The following DNM2 variants were observed in gnomAD, a reference collection of about 807,000 sequenced individuals.
DNM2 encodes dynamin 2.
Under a neutral mutation model 99.0 loss-of-function variants are expected in DNM2, and 15 were observed. That is an observed-to-expected ratio of 0.15 (90% CI 0.10 to 0.23). The LOEUF is 0.23. DNM2 is among the 10% of genes least tolerant of loss of function. The pLI, the probability that DNM2 is intolerant of heterozygous loss-of-function variation, is 1.00. For missense variants in DNM2, 742 were observed against 1,189.4 expected, an observed-to-expected ratio of 0.62 and a Z score of 5.53; for synonymous variants, 525 against 481.2, an observed-to-expected ratio of 1.09 and a Z score of -1.19.
chr19:10,718,952 C>T (rs2068845078), intron 1 of DNM2, among the ~76,000 whole-genome samples: 1 of 152,154 alleles, frequency 6.6e-6, no homozygotes. Flanking sequence ...GGCTAGCTGT[C>T]CAGGGTGACC....
chr19:10,760,826 G>GCTTTTTTTTTTTTTTTTTTT (rs1568284526), intron 2 of DNM2, among the ~76,000 whole-genome samples: 1 of 4,958 alleles, frequency 2.0e-4, no homozygotes, highest in African/African-American at 4.3e-4. Flanking sequence ...ACACCCAGCT[G>GCTTTTTTTTTTTTTTTTTTT]ATTTTTTTTT....
At chr19:10,742,968 CAGTG>C (rs987283795) in intron 1 of DNM2, among the ~76,000 whole-genome samples, 4 of 146,498 alleles carry the variant, frequency 2.7e-5, no homozygotes, top group Admixed American at 1.4e-4. Context: ...GGTTGTGGTG[CAGTG>C]GCTCAGTCTC....
chr19:10,772,638 A>G lies in DNM2; in HGVS notation c.385+10A>G. 6.2e-7 allele frequency: 1 copy of G among 1,613,974 alleles called. No homozygotes were observed. Among genetic ancestry groups the G allele is most frequent in the African/African-American group, 1.3e-5 (1 of 75,050 alleles). Reference sequence around the variant, plus strand: ...GTCTACTCGCCACACGGTAGGCAGCACGGGTGGGGACCCATCACTGACCGT... The same window carrying G: ...GTCTACTCGCCACACGGTAGGCAGCGCGGGTGGGGACCCATCACTGACCGT... On this transcript the variant is annotated intron_variant, in intron 3 of 20. Coordinates refer to ENST00000389253, the MANE Select transcript of DNM2 (RefSeq NM_001005361.3). The surrounding 1 kb of genome is among the most constrained non-coding windows in gnomAD (Gnocchi z 4.9).
intron 6 of DNM2, among the ~76,000 whole-genome samples, chr19:10,784,306 G>A (rs568368844): frequency 5.9e-5 from 9 of 152,292 alleles, no homozygotes; most frequent in African/African-American, 2.2e-4. Flanking sequence ...TCCAGTAGGG[G>A]CGCGGGGGCC....
rs11085748 is a variant in DNM2 at position 10,816,864 on chromosome 19, T to C, written c.1672-3116T>C. Among the ~76,000 whole-genome samples the C allele has an allele frequency of 0.27, 41,294 of 152,136 alleles. 6,017 individuals carry two copies. The highest frequency in any genetic ancestry group is 0.57 in the East Asian group (2,933 of 5,158). On this transcript the variant is annotated intron_variant, in intron 15 of 20. Coordinates refer to ENST00000389253, the MANE Select transcript of DNM2 (RefSeq NM_001005361.3). This position sits in a 1 kb window ranked among gnomAD's most constrained non-coding sequence, Gnocchi z 4.6. ...TCACGTGAGGGGCCCTTCGTGTTTT[T>C]CTCATCTGAGAGTTGAAAGCCAGAG...
chr19:10,778,194 G>A (rs900293755), intron 5 of DNM2, among the ~76,000 whole-genome samples: 14 of 151,670 alleles, frequency 9.2e-5, no homozygotes, highest in African/African-American at 2.7e-4. Flanking sequence ...GCCACCACGC[G>A]TGGCTAATTT....
intron 2 of DNM2, chr19:10,763,498 C>G (rs2070701446): frequency 6.6e-6 from 1 of 152,336 alleles, no homozygotes; most frequent in African/African-American, 2.4e-5. Flanking sequence ...GCCCCTGCGC[C>G]CGACCAGGCT....
In DNM2 at chr19:10,812,495, A is replaced by T. The variant is rs878921946; in HGVS notation, c.1671+118A>T. The stretch of plus-strand genomic sequence containing the variant: ...CGCCACTCTGCCCTGAGTCACCATT[A>T]GGACTGTAACTCGCCGGGCACGGTG... On this transcript the variant is annotated intron_variant, in intron 15 of 20. Transcript: ENST00000389253. The surrounding 1 kb of genome is among the most constrained non-coding windows in gnomAD (Gnocchi z 4.0). 4.8e-6 allele frequency: 4 copies of T among 833,530 alleles called. No homozygotes were observed. In the African/African-American group the frequency reaches 6.8e-5, roughly 14 times the overall value. 51.6% of individuals were successfully genotyped at this position (833,530 alleles called of 1,614,324 possible).
chr19:10,821,751 G>A (rs1211113282), intron 16 of DNM2, among the ~76,000 whole-genome samples: 4 of 152,080 alleles, frequency 2.6e-5, no homozygotes, highest in South Asian at 2.1e-4. Context: ...GGCTGGGCTC[G>A]AACTCCCAAC....
chr19:10,770,968 A>G (rs2070956147), intron 2 of DNM2, among the ~76,000 whole-genome samples: 1 of 152,082 alleles, frequency 6.6e-6, no homozygotes, highest in African/African-American at 2.4e-5. Flanking sequence ...AATTTTTTAA[A>G]TTTCTGTAGA....
intron 1 of DNM2, among the ~76,000 whole-genome samples, chr19:10,758,327 CTCCT>C (rs1193917137): frequency 1.9e-3 from 25 of 13,272 alleles, no homozygotes; most frequent in Admixed American, 3.4e-3. Context: ...CCTTCCCTCC[CTCCT>C]TCCTTCCCTC....
At chr19:10,824,361 G>A (rs1229304573) in intron 17 of DNM2, 1 of 228,504 alleles carries the variant, frequency 4.4e-6, no homozygotes, top group Non-Finnish European at 8.9e-6. Context: ...AATTAGCCAG[G>A]CATGGTGGTA....
At chr19:10,721,724 T>C (rs2068947644) in intron 1 of DNM2, among the ~76,000 whole-genome samples, 1 of 152,202 alleles carries the variant, frequency 6.6e-6, no homozygotes, top group Non-Finnish European at 1.5e-5. Context: ...TTTCTAAGGA[T>C]GTGGTCCGAG....
At chr19:10,785,452 A>G (rs1220406948) in intron 6 of DNM2, among the ~76,000 whole-genome samples, 1 of 152,050 alleles carries the variant, frequency 6.6e-6, no homozygotes, top group Admixed American at 6.6e-5. Flanking sequence ...GATTTTTCAG[A>G]CAAGGTCTTA....
chr19:10,795,978 C>G lies in DNM2; in HGVS notation c.1196+539C>G. 1.4e-5 allele frequency: 23 copies of G among 1,602,560 alleles called. No homozygotes were observed. Among genetic ancestry groups the G allele is most frequent in the Non-Finnish European group, 1.9e-5 (22 of 1,176,604 alleles). Reference sequence around the variant, plus strand: ...ACAACCTTCATTCCTTGTTGGGGACCCGGCCAGGGCCAATGAAATTGCTGA... The same window carrying G: ...ACAACCTTCATTCCTTGTTGGGGACGCGGCCAGGGCCAATGAAATTGCTGA... On this transcript the variant is annotated intron_variant, in intron 9 of 20. Coordinates refer to ENST00000389253, the MANE Select transcript of DNM2 (RefSeq NM_001005361.3). The surrounding 1 kb of genome is among the most constrained non-coding windows in gnomAD (Gnocchi z 4.2).
At position 10,718,409 on chromosome 19, in the gene DNM2, C is replaced by G; in HGVS notation, c.161+6C>G. 6.8e-7 allele frequency: 1 copy of G among 1,464,410 alleles called. No homozygotes were observed. Among genetic ancestry groups the G allele is most frequent in the Non-Finnish European group, 9.0e-7 (1 of 1,105,836 alleles). The allele number at this position is 1,464,410 out of a possible 1,614,324, so 90.7% of individuals were successfully genotyped here. On this transcript the variant is annotated splice_donor_region_variant and intron_variant, in intron 1 of 20. Transcript: ENST00000389253. ...CTGGAGAACTTCGTGGGCCGGTGAG[C>G]GGGCGCGGCAGGGATCGCGGGCGGG...
Position 10,759,723 on chromosome 19 carries a change from C to T in DNM2, c.162-15C>T, listed in dbSNP as rs902418908. 4 of 1,614,126 alleles carry T rather than the reference C, an allele frequency of 2.5e-6. No individual in the cohort carries two copies. The highest frequency in any genetic ancestry group is 1.1e-5 in the South Asian group (1 of 91,088). ...GGACGCAAGAGTAATTTCTGTCCCT[C>T]TCCCCCCCTCACAGGGACTTCCTTC... On this transcript the variant is annotated splice_polypyrimidine_tract_variant and intron_variant, in intron 1 of 20. Transcript: ENST00000389253.
In DNM2 at chr19:10,811,870, C is replaced by T. The variant is rs2072557944; in HGVS notation, c.1558-394C>T. On this transcript the variant is annotated intron_variant, in intron 14 of 20. Coordinates refer to ENST00000389253, the MANE Select transcript of DNM2 (RefSeq NM_001005361.3). This position sits in a 1 kb window ranked among gnomAD's most constrained non-coding sequence, Gnocchi z 5.4. ...GGCCCCTGGGCTCACACCTTTGACCCTAGCCCTCTGTGTGGATGCTACCCT... is the reference window on the plus strand; with the variant it reads ...GGCCCCTGGGCTCACACCTTTGACCTTAGCCCTCTGTGTGGATGCTACCCT... 2.0e-6 allele frequency: 1 copy of T among 497,910 alleles called. No individual in the cohort carries two copies. Among genetic ancestry groups the T allele is most frequent in the African/African-American group, 1.9e-5 (1 of 51,480 alleles). 30.8% of individuals were successfully genotyped at this position (497,910 alleles called of 1,614,324 possible).
rs1439370005 is a variant in DNM2, at chr19:10,831,221, C to T, written c.*174C>T. ...GCCGGCCCCTGTGCCTGGCTGGACA[C>T]CGCACTGCGCAAAGGGGCCCTGGAG... is the stretch of plus-strand genomic sequence containing the variant. On this transcript the variant is annotated 3_prime_UTR_variant, in exon 21 of 21. Transcript: ENST00000389253. The surrounding 1 kb of genome is among the most constrained non-coding windows in gnomAD (Gnocchi z 4.3). 4.3e-6 allele frequency: 6 copies of T among 1,384,000 alleles called. No individual in the cohort carries two copies. The highest frequency in any genetic ancestry group is 5.6e-6 in the Non-Finnish European group (6 of 1,073,538). The allele number at this position is 1,384,000 out of a possible 1,614,324, so 85.7% of individuals were successfully genotyped here.
Sources: gnomAD v4.1 joint callset for allele counts (sites outside exome capture counted in the v4.1 genomes callset) on GRCh38, gnomAD v4.1.1 for gene constraint, Gnocchi (gnomAD v3.1) non-coding constraint, MANE v1.5 for transcripts, NCBI Gene and HGNC (gene_info 2026-07-23, HGNC 2026-07-21) for gene names.